Variants in CDH18 observed in about 807,000 individuals in gnomAD.
CDH18 encodes cadherin 18, also known as cadherin-18.
In CDH18, 31 loss-of-function variants were observed where a neutral mutation model predicts 67.9. That is an observed-to-expected ratio of 0.46 (90% CI 0.34 to 0.62). The LOEUF (loss-of-function observed/expected upper bound fraction) is 0.62. Among genes scored for constraint, CDH18 ranks in the 20% least tolerant of loss-of-function variants. The pLI, the probability that CDH18 is intolerant of heterozygous loss-of-function variation, is 0.01. For missense variants in CDH18, 890 were observed against 975.5 expected (o/e 0.91, Z 1.17); for synonymous variants, 362 against 347.2 (o/e 1.04, Z -0.48).
chr5:19,659,340 T>C (rs533653365), intron 5 of CDH18, among the ~76,000 whole-genome samples: 5 of 152,258 alleles, frequency 3.3e-5, no homozygotes, highest in Admixed American at 2.6e-4. Context: ...TTTGGATTAA[T>C]GTCAAATGAT....
intron 1 of CDH18, among the ~76,000 whole-genome samples, chr5:20,378,940 T>C (rs540968921): frequency 5.0e-4 from 76 of 152,252 alleles, no homozygotes; most frequent in African/African-American, 1.8e-3. Context: ...TCCAGAAATA[T>C]TGACCCACTA....
intron 2 of CDH18, among the ~76,000 whole-genome samples, chr5:19,902,093 G>T (rs1305151550): frequency 6.6e-6 from 1 of 151,944 alleles, no homozygotes; most frequent in Non-Finnish European, 1.5e-5. Flanking sequence ...CAATACTGAC[G>T]TCAATTTTAA....
chr5:19,559,915 C>CAAAAAAAAAAA (rs754748614), intron 8 of CDH18, among the ~76,000 whole-genome samples: 1 of 131,932 alleles, frequency 7.6e-6, no homozygotes. Flanking sequence ...ATAATAGTTG[C>CAAAAAAAAAAA]AAAAACAAAC....
At chr5:20,436,628 GTATA>G (rs371166123) in intron 1 of CDH18, among the ~76,000 whole-genome samples, 3 of 149,596 alleles carry the variant, frequency 2.0e-5, no homozygotes, top group South Asian at 2.1e-4. Flanking sequence ...GTATATATGT[GTATA>G]TATATATATG....
intron 2 of CDH18, among the ~76,000 whole-genome samples, chr5:20,062,631 T>A (rs72743024): frequency 1.3e-3 from 191 of 152,318 alleles, no homozygotes; most frequent in Non-Finnish European, 2.1e-3. Context: ...GAGATGGCAC[T>A]GATTTTTTTC....
chr5:19,571,776 T>C lies in CDH18; in HGVS notation c.1056A>G (p.Thr352=), dbSNP rs914649214. ...AGTGAGAAAAGCGAAAATCAAGATG[T>C]GTATTTGCTCCTTCTATGTTGAGGG... is the stretch of plus-strand genomic sequence containing the variant. ...SYTLNIEGAN[T]HLDFRFSHLG... is the part of the protein sequence containing the mutation. Residue 352 remains threonine (T), a synonymous_variant, in exon 8 of 13, where the codon ACA becomes ACG. Transcript: ENST00000382275. 1.2e-5 allele frequency: 20 copies of C among 1,613,682 alleles called. No individual in the cohort carries two copies. Among genetic ancestry groups the C allele is most frequent in the Non-Finnish European group, 1.6e-5 (19 of 1,179,622 alleles).
intron 2 of CDH18, among the ~76,000 whole-genome samples, chr5:20,107,391 C>CT (rs1747055577): frequency 6.6e-6 from 1 of 152,176 alleles, no homozygotes; most frequent in Non-Finnish European, 1.5e-5. Flanking sequence ...TATAACTTTC[C>CT]TGAACAGAAA....
chr5:20,065,457 T>C (rs1427870429), intron 2 of CDH18, among the ~76,000 whole-genome samples: 2 of 151,996 alleles, frequency 1.3e-5, no homozygotes, highest in Non-Finnish European at 2.9e-5. Context: ...AGGCGAAGGG[T>C]AATAGAAATT....
chr5:20,420,247 C>T (rs910205959), intron 1 of CDH18, among the ~76,000 whole-genome samples: 1 of 151,210 alleles, frequency 6.6e-6, no homozygotes, highest in Non-Finnish European at 1.5e-5. Context: ...CTGCACGAAA[C>T]GTGGTTCACA....
intron 11 of CDH18, among the ~76,000 whole-genome samples, chr5:19,498,779 C>T (rs982486203): frequency 1.1e-4 from 17 of 152,184 alleles, no homozygotes; most frequent in African/African-American, 3.6e-4. Context: ...TACTCTTCCT[C>T]ATATCTTAGG....
chr5:20,230,697 C>T (rs1002533087), intron 2 of CDH18, among the ~76,000 whole-genome samples: 1 of 152,012 alleles, frequency 6.6e-6, no homozygotes, highest in Non-Finnish European at 1.5e-5. Context: ...TAACTATGTT[C>T]TACCTCACCC....
chr5:20,197,404 CAAAT>C, intron 2 of CDH18, among the ~76,000 whole-genome samples: 1 of 152,234 alleles, frequency 6.6e-6, no homozygotes, highest in African/African-American at 2.4e-5. Flanking sequence ...TATATGAAGA[CAAAT>C]AATTATCTTT....
In CDH18 at chr5:19,520,557, T is replaced by A. The variant is rs1348807793; in HGVS notation, c.1512+100A>T. ...GAAATTATTTCCACTGAGTACAAAA[T>A]TACACTGTGGGCTTTGGGGGATTAT... is the stretch of plus-strand genomic sequence containing the variant. On this transcript the variant is annotated intron_variant, in intron 10 of 12. Transcript: ENST00000382275. 13 of 1,028,704 alleles carry A rather than the reference T, an allele frequency of 1.3e-5. 1 individual carries two copies. The allele number at this position is 1,028,704 out of a possible 1,614,324, so 63.7% of individuals were successfully genotyped here. A position where few individuals can be genotyped will look rare whatever the true frequency, so the allele number is the denominator to read the frequency against.
At chr5:20,357,190 G>GA (rs1373682761) in intron 1 of CDH18, among the ~76,000 whole-genome samples, 1 of 151,826 alleles carries the variant, frequency 6.6e-6, no homozygotes, top group East Asian at 1.9e-4. Flanking sequence ...TTAACATTAA[G>GA]AAAAAAGATC....
At chr5:20,149,819 A>AT (rs1750958531) in intron 2 of CDH18, among the ~76,000 whole-genome samples, 1 of 152,116 alleles carries the variant, frequency 6.6e-6, no homozygotes, top group Non-Finnish European at 1.5e-5. Context: ...AGAAAGCTTT[A>AT]TTTTTAACTA....
intron 9 of CDH18, among the ~76,000 whole-genome samples, chr5:19,531,953 C>T (rs1360893069): frequency 6.6e-6 from 1 of 152,114 alleles, no homozygotes; most frequent in Non-Finnish European, 1.5e-5. Context: ...GTTACCAGGA[C>T]TTGGAGGTGA....
intron 8 of CDH18, among the ~76,000 whole-genome samples, chr5:19,545,949 A>T (rs1227518306): frequency 6.6e-6 from 1 of 152,202 alleles, no homozygotes; most frequent in Non-Finnish European, 1.5e-5. Context: ...TTGAGCACTG[A>T]AGTACACAAC....
At chr5:20,339,158 C>T (rs1740035089) in intron 1 of CDH18, among the ~76,000 whole-genome samples, 1 of 152,108 alleles carries the variant, frequency 6.6e-6, no homozygotes, top group East Asian at 1.9e-4. Flanking sequence ...AGGTGGGTAA[C>T]ATCTTCAGCC....
At position 19,849,799 on chromosome 5, in the gene CDH18, C is replaced by T. The variant is rs116555044; in HGVS notation, c.-256-10557G>A. Among the ~76,000 whole-genome samples, 1,430 of 148,482 alleles carry T rather than the reference C, an allele frequency of 9.6e-3. 18 individuals carry two copies. The highest frequency in any genetic ancestry group is 0.014 in the Non-Finnish European group (956 of 67,054). On this transcript the variant is annotated intron_variant, in intron 2 of 12. Transcript: ENST00000382275. Reference sequence around the variant, plus strand: ...ATATATATATGAACATATATATACACGCATACACACACACACACAGAGGCA... The same window carrying T: ...ATATATATATGAACATATATATACATGCATACACACACACACACAGAGGCA...
Sources: allele counts gnomAD v4.1 joint callset (sites outside exome capture counted in the v4.1 genomes callset), GRCh38; gene constraint gnomAD v4.1.1; transcripts MANE v1.5; gene names NCBI Gene and HGNC (gene_info 2026-07-23, HGNC 2026-07-21).